The following HTR1E variants were observed in gnomAD, a reference collection of about 807,000 sequenced individuals.
The protein encoded by HTR1E is 5-hydroxytryptamine receptor 1E.
In HTR1E, 3 loss-of-function variants were observed where a neutral mutation model predicts 3.4. That is an observed-to-expected ratio of 0.89 (90% confidence interval 0.41 to 2.31). The LOEUF is 2.31. Among genes scored for constraint, HTR1E ranks in the 30% most tolerant of loss-of-function variants. The pLI is 0.05. For synonymous variants in HTR1E, 170 were observed against 182.8 expected, an observed-to-expected ratio of 0.93 and a Z score of 0.56; for missense variants, 392 against 467.0, an observed-to-expected ratio of 0.84 and a Z score of 1.48.
At chr6:86,999,868 T>C (rs1767994582) in intron 1 of HTR1E, among the ~76,000 whole-genome samples, 1 of 152,190 alleles carries the variant, frequency 6.6e-6, no homozygotes, top group African/African-American at 2.4e-5. Context: ...ACTGGAGTGC[T>C]CCCTGGTGAG....
chr6:86,969,218 GA>G (rs1767515334), intron 1 of HTR1E, among the ~76,000 whole-genome samples: 1 of 152,088 alleles, frequency 6.6e-6, no homozygotes, highest in Non-Finnish European at 1.5e-5. Flanking sequence ...AAGAAACACA[GA>G]AACAGCAATA....
chr6:86,974,040 C>T (rs138871010), intron 1 of HTR1E, among the ~76,000 whole-genome samples: 2 of 151,122 alleles, frequency 1.3e-5, no homozygotes, highest in East Asian at 3.9e-4. Flanking sequence ...ATTCAAACAT[C>T]TCCTTCTCCA....
At chr6:87,014,089 A>G (rs75411733) in intron 1 of HTR1E, among the ~76,000 whole-genome samples, 4,574 of 152,086 alleles carry the variant, frequency 0.03, 143 homozygotes, top group East Asian at 0.13. Context: ...GGCAGGGAAC[A>G]CCACACACCC....
intron 1 of HTR1E, among the ~76,000 whole-genome samples, chr6:86,980,116 G>A (rs575745446): frequency 4.6e-5 from 7 of 152,110 alleles, no homozygotes; most frequent in East Asian, 1.9e-4. Flanking sequence ...GGCCAGGCGC[G>A]GTGGCTCACG....
At chr6:87,004,637 T>C (rs769840211) in intron 1 of HTR1E, among the ~76,000 whole-genome samples, 10 of 152,150 alleles carry the variant, frequency 6.6e-5, no homozygotes, top group Non-Finnish European at 1.3e-4. Flanking sequence ...GCTAGTATCA[T>C]AATGAGTGGG....
rs188707014 is a variant in HTR1E, at chr6:87,009,406, G to C, written c.-185-5744G>C. Among the ~76,000 whole-genome samples the C allele has an allele frequency of 7.2e-4, 109 of 152,108 alleles. 1 individual carries two copies. Among genetic ancestry groups the C allele is most frequent in the African/African-American group, 2.5e-3 (104 of 41,420 alleles). ...AGGTCACAGATCAACAGGATCCCAC[G>C]GCAGAGGAATTTTTCTTAGTGCAGA... On this transcript the variant is annotated intron_variant, in intron 1 of 1. Coordinates refer to ENST00000305344, the MANE Select transcript of HTR1E (RefSeq NM_000865.3).
intron 1 of HTR1E, among the ~76,000 whole-genome samples, chr6:86,968,732 A>C (rs1418145840): frequency 6.6e-6 from 1 of 152,154 alleles, no homozygotes; most frequent in Non-Finnish European, 1.5e-5. Context: ...TCTGAATTGC[A>C]AATATTTTTC....
intron 1 of HTR1E, among the ~76,000 whole-genome samples, chr6:87,010,374 C>T (rs1308105895): frequency 5.6e-5 from 7 of 125,396 alleles, no homozygotes; most frequent in African/African-American, 1.5e-4. Flanking sequence ...GCTGACCCCC[C>T]CATCTCCCTC....
intron 1 of HTR1E, among the ~76,000 whole-genome samples, chr6:87,011,517 C>T (rs540934952): frequency 3.3e-5 from 5 of 152,184 alleles, no homozygotes; most frequent in East Asian, 3.9e-4. Flanking sequence ...ATGGTTGAGA[C>T]GTTATATAAT....
chr6:86,982,003 G>A (rs929263319), intron 1 of HTR1E, among the ~76,000 whole-genome samples: 2 of 152,068 alleles, frequency 1.3e-5, no homozygotes, highest in East Asian at 3.9e-4. Flanking sequence ...TGAACCCTTA[G>A]CCCTCCACAT....
At chr6:87,004,628 C>G (rs1347975521) in intron 1 of HTR1E, among the ~76,000 whole-genome samples, 5 of 152,100 alleles carry the variant, frequency 3.3e-5, no homozygotes, top group African/African-American at 1.2e-4. Context: ...AGACCCACAG[C>G]TAGTATCATA....
At chr6:86,984,605 TCAGAGGCTTGA>T (rs1582272375) in intron 1 of HTR1E, among the ~76,000 whole-genome samples, 1 of 152,182 alleles carries the variant, frequency 6.6e-6, no homozygotes. Flanking sequence ...CCCTGAAATG[TCAGAGGCTTGA>T]CAGAGCAGAA....
Position 87,015,825 on chromosome 6 carries a change from G to A in HTR1E, c.491G>A (p.Arg164His), listed in dbSNP as rs146856111. The A allele has an allele frequency of 5.6e-6, 9 of 1,613,570 alleles. No individual in the cohort carries two copies. Among genetic ancestry groups the A allele is most frequent in the African/African-American group, 4.0e-5 (3 of 75,002 alleles). The change falls in exon 2 of 2, where the codon CGC (arginine) becomes CAC (histidine). Residue 164 changes from arginine (R) to histidine (H), a missense_variant. Around this residue, in one of 3 missense-constraint regions of HTR1E, gnomAD observed 189 missense variants for 258.0 expected, o/e 0.73. Transcript: ENST00000305344. ...CCCCCTCTGTTCTGGAGAAGCCACC[G>A]CCGCCTAAGCCCTCCCCCTAGTCAG... is the stretch of plus-strand genomic sequence containing the variant. ...SMPPLFWRSH[R>H]RLSPPPSQCT...
intron 1 of HTR1E, among the ~76,000 whole-genome samples, chr6:86,958,676 T>C (rs1767358923): frequency 1.3e-5 from 2 of 152,202 alleles, no homozygotes; most frequent in South Asian, 2.1e-4. Flanking sequence ...TATTGTCTGC[T>C]ATAAAACTCT....
chr6:86,952,779 T>C (rs1393061244), intron 1 of HTR1E, among the ~76,000 whole-genome samples: 1 of 152,204 alleles, frequency 6.6e-6, no homozygotes, highest in Non-Finnish European at 1.5e-5. Flanking sequence ...TGCAACATAA[T>C]GATTGAATGG....
At chr6:86,953,628 CAT>C (rs1448425015) in intron 1 of HTR1E, among the ~76,000 whole-genome samples, 3 of 152,204 alleles carry the variant, frequency 2.0e-5, no homozygotes, top group Non-Finnish European at 4.4e-5. Flanking sequence ...TCAAAACTCA[CAT>C]GATTCCATTT....
intron 1 of HTR1E, among the ~76,000 whole-genome samples, chr6:86,950,800 C>G (rs988258852): frequency 1.3e-5 from 2 of 152,144 alleles, no homozygotes; most frequent in South Asian, 2.1e-4. Context: ...ATAAAAAGTG[C>G]CTTTGGGGGT....
chr6:86,947,208 T>G (rs1215690871), intron 1 of HTR1E, among the ~76,000 whole-genome samples: 1 of 152,218 alleles, frequency 6.6e-6, no homozygotes, highest in Non-Finnish European at 1.5e-5. Context: ...TTTTGTAATA[T>G]AAATAATTAT....
intron 1 of HTR1E, among the ~76,000 whole-genome samples, chr6:86,983,619 TTAA>T: frequency 2.0e-5 from 3 of 152,302 alleles, no homozygotes; most frequent in Non-Finnish European, 4.4e-5. Flanking sequence ...GTGACTATAG[TTAA>T]TAATTTTTAT....
Sources: gnomAD v4.1 joint callset for allele counts (sites outside exome capture counted in the v4.1 genomes callset) on GRCh38, gnomAD v4.1.1 for gene constraint, gnomAD v4.1.1 regional missense constraint, MANE v1.5 for transcripts, NCBI Gene and HGNC (gene_info 2026-07-23, HGNC 2026-07-21) for gene names.